Variants in EPB41L4A observed in about 807,000 individuals in gnomAD.
EPB41L4A encodes erythrocyte membrane protein band 4.1 like 4A, also known as band 4.1-like protein 4A.
EPB41L4A carries 100 observed loss-of-function variants against 108.6 expected under a neutral mutation model. The ratio of observed to expected loss-of-function variants is 0.92; its 90% CI spans 0.78 to 1.09. EPB41L4A has a LOEUF of 1.09. EPB41L4A is among the 50% of genes least tolerant of loss of function. EPB41L4A has a pLI of 0.00. For synonymous variants in EPB41L4A, 319 were observed against 289.0 expected, an observed-to-expected ratio of 1.10 and a Z score of -1.05; for missense variants, 1,030 against 842.7, an observed-to-expected ratio of 1.22 and a Z score of -2.75.
At chr5:112,217,358 A>G (rs972674305) in intron 12 of EPB41L4A, among the ~76,000 whole-genome samples, 3 of 152,232 alleles carry the variant, frequency 2.0e-5, no homozygotes, top group Admixed American at 6.5e-5. Context: ...CTAATTGTTT[A>G]AGTTCAAACA....
intron 1 of EPB41L4A, among the ~76,000 whole-genome samples, chr5:112,361,749 T>C (rs1488157967): frequency 6.6e-6 from 1 of 151,008 alleles, no homozygotes; most frequent in Non-Finnish European, 1.5e-5. Context: ...TGACTGGGTG[T>C]GGTGGTGTGC....
chr5:112,415,457 G>T (rs1762660197), intron 1 of EPB41L4A, among the ~76,000 whole-genome samples: 1 of 152,048 alleles, frequency 6.6e-6, no homozygotes, highest in Non-Finnish European at 1.5e-5. Flanking sequence ...TTAAAATCTT[G>T]CCAAAATGAA....
intron 4 of EPB41L4A, among the ~76,000 whole-genome samples, chr5:112,272,535 T>G (rs1752335687): frequency 6.6e-6 from 1 of 151,858 alleles, no homozygotes; most frequent in Non-Finnish European, 1.5e-5. Context: ...GTTACAGCAC[T>G]TTGGGAGGCC....
In EPB41L4A at chr5:112,419,277, T is replaced by C. The variant is rs1357377786; in HGVS notation, c.-238A>G. On this transcript the variant is annotated 5_prime_UTR_variant, in exon 1 of 23. Coordinates refer to ENST00000261486, the MANE Select transcript of EPB41L4A (RefSeq NM_022140.5). ...GCCGCCGGGGAAGCGCCGGCGGAAC[T>C]GGGCGCGGAGGGCGGTGGCGCGTCC... is the stretch of plus-strand genomic sequence containing the variant. 2.6e-6 allele frequency: 1 copy of C among 380,536 alleles called. No homozygotes were observed. The highest frequency in any genetic ancestry group is 4.7e-6 in the Non-Finnish European group (1 of 212,658). 23.6% of individuals were successfully genotyped at this position (380,536 alleles called of 1,614,324 possible).
In EPB41L4A at chr5:112,246,082, G is replaced by C. The variant is rs191240512; in HGVS notation, c.796-5272C>G. Among the ~76,000 whole-genome samples, 42 of 152,310 alleles carry C rather than the reference G, an allele frequency of 2.8e-4. 1 individual carries two copies. The highest frequency in any genetic ancestry group is 9.9e-4 in the African/African-American group (41 of 41,574). The stretch of plus-strand genomic sequence containing the variant: ...GCAAAAGAAACTGGTGGCAGAGCTG[G>C]GAAAGGGGACACACAGAAAATCACA... On this transcript the variant is annotated intron_variant, in intron 9 of 22. Transcript: ENST00000261486.
chr5:112,412,604 T>G (rs903538289), intron 1 of EPB41L4A, among the ~76,000 whole-genome samples: 12 of 152,222 alleles, frequency 7.9e-5, no homozygotes, highest in Admixed American at 2.0e-4. Context: ...CCAGGACATG[T>G]GATAACAGGT....
rs1762907084 is a variant in EPB41L4A, at chr5:112,419,060, G to A, written c.-21C>T. The A allele has an allele frequency of 6.3e-7, 1 of 1,596,308 alleles. No individual in the cohort carries two copies. ...CCCATGTCGGTTGTGGTCGTCTCCA[G>A]CCAGGAGAGAAAGCTACCACCGAGG... On this transcript the variant is annotated 5_prime_UTR_variant, in exon 1 of 23. Coordinates refer to ENST00000261486, the MANE Select transcript of EPB41L4A (RefSeq NM_022140.5).
intron 15 of EPB41L4A, among the ~76,000 whole-genome samples, chr5:112,201,916 T>C (rs1458295143): frequency 6.6e-6 from 1 of 152,198 alleles, no homozygotes; most frequent in Non-Finnish European, 1.5e-5. Context: ...GCCTCAGTTT[T>C]CTCATCTGTA....
chr5:112,219,111 T>G (rs1747857789), intron 12 of EPB41L4A, among the ~76,000 whole-genome samples: 1 of 152,224 alleles, frequency 6.6e-6, no homozygotes, highest in African/African-American at 2.4e-5. Flanking sequence ...CCTACAAAAT[T>G]TATCCCTAAT....
At chr5:112,354,081 T>C (rs893425638) in intron 1 of EPB41L4A, among the ~76,000 whole-genome samples, 3 of 152,218 alleles carry the variant, frequency 2.0e-5, no homozygotes, top group African/African-American at 7.2e-5. Flanking sequence ...TTGAGTTGTC[T>C]GACTTTGAGC....
intron 4 of EPB41L4A, among the ~76,000 whole-genome samples, chr5:112,273,674 G>C (rs1269515403): frequency 6.6e-6 from 1 of 152,124 alleles, no homozygotes; most frequent in African/African-American, 2.4e-5. Flanking sequence ...TTACAACTGA[G>C]GACACTTAGG....
At position 112,164,658 on chromosome 5, in the gene EPB41L4A, CCT is replaced by C. The variant is rs1384393310; in HGVS notation, c.*330_*331del. 1.2e-5 allele frequency: 2 copies of C among 163,240 alleles called. No homozygotes were observed. The highest frequency in any genetic ancestry group is 4.8e-5 in the African/African-American group (2 of 41,616). 10.1% of individuals were successfully genotyped at this position (163,240 alleles called of 1,614,324 possible). On this transcript the variant is annotated 3_prime_UTR_variant, in exon 23 of 23. Coordinates refer to ENST00000261486, the MANE Select transcript of EPB41L4A (RefSeq NM_022140.5). Reference sequence around the variant, plus strand: ...AGACCAGCCTCCAACATGGCAAAGCCCTGTCTCTACTAAAAATACAAAAAGAA... The same window carrying C: ...AGACCAGCCTCCAACATGGCAAAGCCGTCTCTACTAAAAATACAAAAAGAA...
At chr5:112,181,890 T>C (rs907763305) in intron 18 of EPB41L4A, among the ~76,000 whole-genome samples, 2 of 152,022 alleles carry the variant, frequency 1.3e-5, no homozygotes, top group East Asian at 1.9e-4. Context: ...CTGGCCAACA[T>C]GGTGAAACCC....
intron 1 of EPB41L4A, among the ~76,000 whole-genome samples, chr5:112,360,232 G>C (rs1232880301): frequency 6.6e-6 from 1 of 152,110 alleles, no homozygotes; most frequent in African/African-American, 2.4e-5. Flanking sequence ...AGACCAGCCT[G>C]GGCAACACAG....
Position 112,264,972 on chromosome 5 carries a change from C to T in EPB41L4A, c.478G>A (p.Val160Ile). The change falls in exon 6 of 23, where the codon GTA becomes ATA. Residue 160 changes from valine (V) to isoleucine (I), a missense_variant. Val to Ile is a conservative substitution (Grantham distance 29). Coordinates refer to ENST00000261486, the MANE Select transcript of EPB41L4A (RefSeq NM_022140.5). ...YDPYKHTAGY[V>I]SEYRFVPDQK... is the part of the protein sequence containing the mutation. ...TCAGGAACAAACCGGTACTCAGATA[C>T]ATATCCTGCAGTATGTTTATATGGG... The T allele has an allele frequency of 1.9e-6, 3 of 1,611,488 alleles. No homozygotes were observed. The South Asian group carries it at 3.3e-5, about 18-fold the overall frequency.
intron 11 of EPB41L4A, among the ~76,000 whole-genome samples, chr5:112,236,765 C>T (rs1172673484): frequency 6.6e-6 from 1 of 152,316 alleles, no homozygotes; most frequent in Admixed American, 6.5e-5. Flanking sequence ...TAGAAATACT[C>T]AGGTTCAAAA....
chr5:112,334,986 G>C (rs914373821), intron 1 of EPB41L4A, among the ~76,000 whole-genome samples: 4 of 152,094 alleles, frequency 2.6e-5, no homozygotes, highest in African/African-American at 9.7e-5. Context: ...CAAAACACTG[G>C]CCTATACTAG....
At chr5:112,389,212 T>C (rs1185767680) in intron 1 of EPB41L4A, among the ~76,000 whole-genome samples, 1 of 152,214 alleles carries the variant, frequency 6.6e-6, no homozygotes, top group African/African-American at 2.4e-5. Context: ...TCCCCTGTAT[T>C]AGATCTGTAT....
At chr5:112,170,275 G>C (rs372024657) in intron 20 of EPB41L4A, 26 bp downstream of exon 20, 12 of 1,605,452 alleles carry the variant, frequency 7.5e-6, no homozygotes, top group Non-Finnish European at 1.0e-5. Flanking sequence ...TAAAGCTTTG[G>C]TGAGAAGATT....
Sources: gnomAD v4.1 joint callset for allele counts (sites outside exome capture counted in the v4.1 genomes callset) on GRCh38, gnomAD v4.1.1 for gene constraint, MANE v1.5 for transcripts, NCBI Gene and HGNC (gene_info 2026-07-23, HGNC 2026-07-21) for gene names.